UNC5C: variants seen among roughly 807,000 people sequenced by gnomAD.
UNC5C encodes the protein netrin receptor UNC5C.
Under a neutral mutation model 99.8 loss-of-function variants are expected in UNC5C, and 47 were observed. The observed-to-expected ratio is 0.47, with a 90% CI of 0.37 to 0.60. The LOEUF is 0.60. Among genes scored for constraint, UNC5C ranks in the 20% least tolerant of loss-of-function variants. The pLI, the probability that UNC5C is intolerant of heterozygous loss-of-function variation, is 0.00. For missense variants in UNC5C, 1,062 were observed against 1,165.9 expected (o/e 0.91, Z 1.30); for synonymous variants, 487 against 452.2 (o/e 1.08, Z -0.98).
At chr4:95,477,525 C>T (rs1720964073) in intron 1 of UNC5C, among the ~76,000 whole-genome samples, 1 of 152,016 alleles carries the variant, frequency 6.6e-6, no homozygotes, top group African/African-American at 2.4e-5. Context: ...GCCTCCCAGA[C>T]AGAATTTTTC....
At chr4:95,296,083 C>T (rs1413830191) in intron 3 of UNC5C, among the ~76,000 whole-genome samples, 1 of 152,180 alleles carries the variant, frequency 6.6e-6, no homozygotes, top group Admixed American at 6.5e-5. Context: ...AAGACTTTCT[C>T]TCAAAAAATA....
intron 2 of UNC5C, among the ~76,000 whole-genome samples, chr4:95,328,432 A>G (rs1471536823): frequency 1.6e-5 from 2 of 126,382 alleles, no homozygotes; most frequent in Non-Finnish European, 3.4e-5. Context: ...TCCATGGTGT[A>G]TATGTGCCAC....
chr4:95,458,127 A>G (rs1031345995), intron 1 of UNC5C, among the ~76,000 whole-genome samples: 2 of 152,120 alleles, frequency 1.3e-5, no homozygotes, highest in African/African-American at 4.8e-5. Context: ...TTTACAAGGA[A>G]ATGAGGCTCC....
In UNC5C at chr4:95,220,009, CA is replaced by C; in HGVS notation, c.1275del (p.Val426Ter). 1 of 1,613,950 alleles carries C rather than the reference CA, an allele frequency of 6.2e-7. No homozygotes were observed. The highest frequency in any genetic ancestry group is 8.5e-7 in the Non-Finnish European group (1 of 1,179,888). ...CCTTGTCTTGCTGCCTTGATGTTCA[CA>C]GGCTGAAAGCCCCCATTGAGTGCCG... ...DSSALNGGFQ[P>X]VNIKAARQDL... On this transcript the variant is annotated frameshift_variant, in exon 8 of 16. Coordinates refer to ENST00000453304, the MANE Select transcript of UNC5C (RefSeq NM_003728.4). LOFTEE classifies it high-confidence loss of function.
intron 2 of UNC5C, among the ~76,000 whole-genome samples, chr4:95,312,818 G>A (rs908849744): frequency 6.6e-6 from 1 of 152,152 alleles, no homozygotes; most frequent in Admixed American, 6.5e-5. Context: ...TAGTAAAGAA[G>A]TCTGTTTAGT....
chr4:95,294,375 C>A (rs1217380850), intron 3 of UNC5C, among the ~76,000 whole-genome samples: 1 of 152,172 alleles, frequency 6.6e-6, no homozygotes, highest in African/African-American at 2.4e-5. Flanking sequence ...GAGGGGCCAC[C>A]TTGATCATCC....
At chr4:95,178,533 A>G (rs28530692) in intron 14 of UNC5C, among the ~76,000 whole-genome samples, 2,963 of 152,322 alleles carry the variant, frequency 0.019, 104 homozygotes, top group African/African-American at 0.068. Context: ...TGCCCCACAC[A>G]CAAGAAGCTA....
rs1723155588 is a variant in UNC5C at position 95,548,915 on chromosome 4, G to GA, written c.-59dup. On this transcript the variant is annotated 5_prime_UTR_variant, in exon 1 of 16. Transcript: ENST00000453304. ...GGGACAGAGAGACGCGCAAACAGCTGAAAGCCCCACTGGGCAGAAGCTGAA... is the reference window on the plus strand; with the variant it reads ...GGGACAGAGAGACGCGCAAACAGCTGAAAAGCCCCACTGGGCAGAAGCTGAA... 1.3e-6 allele frequency: 2 copies of GA among 1,598,698 alleles called. No individual in the cohort carries two copies. The highest frequency in any genetic ancestry group is 3.4e-5 in the Admixed American group (2 of 59,566).
intron 12 of UNC5C, among the ~76,000 whole-genome samples, chr4:95,197,630 TC>T (rs1737484314): frequency 6.6e-6 from 1 of 152,032 alleles, no homozygotes; most frequent in South Asian, 2.1e-4. Flanking sequence ...GCCAGGGACT[TC>T]CTGAGAGCAG....
At chr4:95,474,288 A>C (rs1480070088) in intron 1 of UNC5C, among the ~76,000 whole-genome samples, 2 of 151,960 alleles carry the variant, frequency 1.3e-5, no homozygotes, top group Non-Finnish European at 2.9e-5. Context: ...ATTGTCATAC[A>C]TGTAATTTTT....
intron 1 of UNC5C, among the ~76,000 whole-genome samples, chr4:95,518,787 G>A (rs1244968832): frequency 2.6e-5 from 4 of 152,134 alleles, no homozygotes; most frequent in African/African-American, 7.2e-5. Flanking sequence ...TCTCTTTGAT[G>A]AAGAGGTTGC....
chr4:95,366,381 T>C (rs1026371957), intron 1 of UNC5C, among the ~76,000 whole-genome samples: 3 of 152,190 alleles, frequency 2.0e-5, no homozygotes, highest in African/African-American at 7.2e-5. Flanking sequence ...ATCCAAGATT[T>C]ACTGTAAGAG....
intron 1 of UNC5C, among the ~76,000 whole-genome samples, chr4:95,506,456 T>C (rs1721924986): frequency 6.6e-6 from 1 of 152,048 alleles, no homozygotes; most frequent in African/African-American, 2.4e-5. Context: ...GTGATAGTGA[T>C]GTTAAGCATA....
chr4:95,422,556 A>AT (rs35763788), intron 1 of UNC5C, among the ~76,000 whole-genome samples: 24,762 of 151,754 alleles, frequency 0.16, 2,331 homozygotes, highest in African/African-American at 0.26. Context: ...CGGGGGCTGT[A>AT]TTTTTTTCCA....
chr4:95,538,014 T>C (rs2149495000), intron 1 of UNC5C, among the ~76,000 whole-genome samples: 1 of 152,338 alleles, frequency 6.6e-6, no homozygotes, highest in East Asian at 1.9e-4. Flanking sequence ...CTTCTCCATA[T>C]GATTTTTCTC....
intron 2 of UNC5C, among the ~76,000 whole-genome samples, chr4:95,311,203 G>A (rs1282602198): frequency 1.3e-5 from 2 of 152,096 alleles, no homozygotes; most frequent in Non-Finnish European, 2.9e-5. Context: ...TCTTTCAAAT[G>A]TGTGCAAAGA....
intron 13 of UNC5C, 118 bp downstream of exon 13, chr4:95,184,929 G>A: frequency 8.6e-7 from 1 of 1,165,716 alleles, no homozygotes; most frequent in Non-Finnish European, 1.1e-6. Context: ...AACTATTTTG[G>A]AGAAACAAGT....
At chr4:95,235,884 A>G (rs553636491) in intron 7 of UNC5C, among the ~76,000 whole-genome samples, 2 of 152,324 alleles carry the variant, frequency 1.3e-5, no homozygotes, top group Admixed American at 1.3e-4. Flanking sequence ...CCACAATGAG[A>G]TATCATCTCA....
chr4:95,481,614 C>A (rs1353691246), intron 1 of UNC5C, among the ~76,000 whole-genome samples: 1 of 152,078 alleles, frequency 6.6e-6, no homozygotes, highest in African/African-American at 2.4e-5. Flanking sequence ...AAACTATCTA[C>A]AAGGCTACAG....
Sources: gnomAD v4.1 joint callset for allele counts (sites outside exome capture counted in the v4.1 genomes callset) on GRCh38, gnomAD v4.1.1 for gene constraint, MANE v1.5 for transcripts, NCBI Gene and HGNC (gene_info 2026-07-23, HGNC 2026-07-21) for gene names.